CAST: variants seen among roughly 807,000 people sequenced by gnomAD.
The protein encoded by CAST is calpastatin.
In CAST, 76 loss-of-function variants were observed where a neutral mutation model predicts 119.6. That is an observed-to-expected ratio of 0.64 (90% CI 0.53 to 0.77). The LOEUF is 0.77. CAST is among the 30% of genes least tolerant of loss of function. CAST has a pLI of 0.00. For missense variants in CAST, 953 were observed against 946.5 expected, an observed-to-expected ratio of 1.01 and a Z score of -0.09; for synonymous variants, 319 against 331.6, an observed-to-expected ratio of 0.96 and a Z score of 0.41.
At chr5:96,590,769 C>T (rs1746948868) in intron 1 of CAST, among the ~76,000 whole-genome samples, 1 of 152,140 alleles carries the variant, frequency 6.6e-6, no homozygotes, top group African/African-American at 2.4e-5. Context: ...GTAAGATCTG[C>T]ACAACAACTA....
At chr5:96,448,085 G>A in the CAST span, among the ~76,000 whole-genome samples, 1 of 152,020 alleles carries the variant, frequency 6.6e-6, no homozygotes, top group Non-Finnish European at 1.5e-5. Flanking sequence ...TCAGCTCAGG[G>A]CATCTGTCTG....
At chr5:96,006,623 CA>C in the CAST span, among the ~76,000 whole-genome samples, 1 of 152,126 alleles carries the variant, frequency 6.6e-6, no homozygotes, top group Non-Finnish European at 1.5e-5. Context: ...ATGCCAGGGT[CA>C]GGGGTGTCAC....
chr5:96,591,947 T>C lies in CAST; in HGVS notation c.60+62067T>C, dbSNP rs181149134. 2.0e-3 allele frequency among the ~76,000 whole-genome samples: 308 copies of C among 152,230 alleles called. 2 individuals carry two copies. The highest frequency in any genetic ancestry group is 3.2e-3 in the Non-Finnish European group (218 of 68,008). ...CAATAGTTCAGTACAGGTGGGTGTA[T>C]GAGAAAAACAGTAGAAAATTCAGAA... On this transcript the variant is annotated intron_variant, in intron 1 of 11. Coordinates refer to the CAST transcript ENST00000505143.
chr5:96,512,549 T>G, the CAST span, among the ~76,000 whole-genome samples: 1 of 152,220 alleles, frequency 6.6e-6, no homozygotes, highest in African/African-American at 2.4e-5. Context: ...ATTCTCCTTT[T>G]AATAACTAGA....
At chr5:96,114,729 A>G in the CAST span, among the ~76,000 whole-genome samples, 1 of 152,224 alleles carries the variant, frequency 6.6e-6, no homozygotes, top group Non-Finnish European at 1.5e-5. Context: ...GGAGAAGCGT[A>G]ATGGAGTTGC....
chr5:96,361,322 C>T, the CAST span, among the ~76,000 whole-genome samples: 1 of 152,174 alleles, frequency 6.6e-6, no homozygotes, highest in Non-Finnish European at 1.5e-5. Context: ...TTTCGGCCCC[C>T]TTTCCAGGGG....
intron 3 of CAST, among the ~76,000 whole-genome samples, chr5:96,709,094 A>G (rs1755588785): frequency 6.6e-6 from 1 of 152,200 alleles, no homozygotes; most frequent in African/African-American, 2.4e-5. Flanking sequence ...CTTCCACTAT[A>G]CAGAAATAAA....
chr5:96,038,282 A>T, the CAST span, among the ~76,000 whole-genome samples: 3 of 152,182 alleles, frequency 2.0e-5, no homozygotes, highest in African/African-American at 7.2e-5. Flanking sequence ...AAATAAATGG[A>T]TGAGAATAGA....
At chr5:96,047,265 G>T in the CAST span, among the ~76,000 whole-genome samples, 1 of 152,082 alleles carries the variant, frequency 6.6e-6, no homozygotes, top group Non-Finnish European at 1.5e-5. Context: ...TTTCATCCGT[G>T]GCAGGGGTAC....
intron 1 of CAST, among the ~76,000 whole-genome samples, chr5:96,555,739 G>A (rs1227467924): frequency 2.0e-5 from 3 of 152,224 alleles, no homozygotes; most frequent in Non-Finnish European, 4.4e-5. Context: ...AGCTCAAACT[G>A]GGTGGAGCCC....
At chr5:96,676,920 G>A (rs754509803) in intron 2 of CAST, among the ~76,000 whole-genome samples, 4 of 151,622 alleles carry the variant, frequency 2.6e-5, no homozygotes, top group South Asian at 2.1e-4. Context: ...TGGGCGTGGT[G>A]GTGTGCACCT....
At chr5:96,485,481 A>T in the CAST span, among the ~76,000 whole-genome samples, 1 of 152,200 alleles carries the variant, frequency 6.6e-6, no homozygotes, top group African/African-American at 2.4e-5. Flanking sequence ...AGCTAAAAGT[A>T]AAAAATCATA....
At chr5:96,091,631 G>A in the CAST span, among the ~76,000 whole-genome samples, 12 of 149,710 alleles carry the variant, frequency 8.0e-5, no homozygotes, top group African/African-American at 1.5e-4. Context: ...TCAGTCCCCC[G>A]AGTAGCTGGA....
the CAST span, among the ~76,000 whole-genome samples, chr5:96,092,524 T>G: frequency 6.6e-5 from 10 of 152,228 alleles, no homozygotes; most frequent in African/African-American, 2.4e-4. Context: ...TCGTGTAGCT[T>G]CATGACACCC....
chr5:96,517,832 C>T, the CAST span, among the ~76,000 whole-genome samples: 1 of 152,202 alleles, frequency 6.6e-6, no homozygotes, highest in Non-Finnish European at 1.5e-5. Flanking sequence ...AGTTCTATAG[C>T]GTTGTGATAC....
chr5:96,023,151 C>G, the CAST span, among the ~76,000 whole-genome samples: 1 of 152,186 alleles, frequency 6.6e-6, no homozygotes, highest in Non-Finnish European at 1.5e-5. Context: ...CTCCAGACAT[C>G]CTCAACACCA....
Position 96,757,464 on chromosome 5 carries a change from C to T in CAST, c.1731C>T (p.Leu577=). ...EEVKDKDGKP[L]LPKESKEQLP... ...GATAGGATAAAGATGGAAAGCCACT[C>T]CTGCCAAAAGAGTCTAAGGAACAGC... Residue 577 remains leucine (L), a synonymous_variant, in exon 23 of 32, where the codon CTC becomes CTT. Transcript: ENST00000675179. 1 of 1,614,076 alleles carries T rather than the reference C, an allele frequency of 6.2e-7. No homozygotes were observed. The highest frequency in any genetic ancestry group is 8.5e-7 in the Non-Finnish European group (1 of 1,179,962).
chr5:96,182,298 G>C, the CAST span, among the ~76,000 whole-genome samples: 6 of 152,214 alleles, frequency 3.9e-5, no homozygotes, highest in Non-Finnish European at 7.3e-5. Flanking sequence ...ATTTGAACTT[G>C]AGATCCTTGG....
At chr5:96,562,991 C>T (rs889610094) in intron 1 of CAST, among the ~76,000 whole-genome samples, 31 of 152,146 alleles carry the variant, frequency 2.0e-4, no homozygotes, top group African/African-American at 7.0e-4. Flanking sequence ...GTTTTCTGTC[C>T]TCCCTCTAAA....
Sources: allele counts gnomAD v4.1 joint callset (sites outside exome capture counted in the v4.1 genomes callset), GRCh38; gene constraint gnomAD v4.1.1; transcripts MANE v1.5; gene names NCBI Gene and HGNC (gene_info 2026-07-23, HGNC 2026-07-21).